The following SHC4 variants were observed in gnomAD, a reference collection of about 807,000 sequenced individuals.
The protein encoded by SHC4 is SHC adaptor protein 4.
A neutral mutation model predicts 69.4 loss-of-function variants in SHC4; 41 were observed. The ratio of observed to expected loss-of-function variants is 0.59; its 90% CI spans 0.46 to 0.77. The LOEUF (loss-of-function observed/expected upper bound fraction) is 0.77. Among genes scored for constraint, SHC4 ranks in the 30% least tolerant of loss-of-function variants. SHC4 has a pLI of 0.00. For missense variants in SHC4, 777 were observed against 783.8 expected (o/e 0.99, Z 0.10); for synonymous variants, 318 against 299.3 (o/e 1.06, Z -0.64).
intron 7 of SHC4, 59 bp downstream of exon 7, chr15:48,857,633 T>C (rs1347308353): frequency 5.0e-6 from 7 of 1,397,274 alleles, no homozygotes. Flanking sequence ...AATAAATACA[T>C]ACAGATAAAT....
chr15:48,934,027 G>A (rs117349030), intron 1 of SHC4, among the ~76,000 whole-genome samples: 5 of 152,012 alleles, frequency 3.3e-5, no homozygotes, highest in Admixed American at 2.6e-4. Context: ...AATAGGCAAT[G>A]GTTTCTTAGA....
intron 6 of SHC4, among the ~76,000 whole-genome samples, chr15:48,861,000 C>T (rs748668272): frequency 1.3e-5 from 2 of 152,210 alleles, no homozygotes; most frequent in Admixed American, 6.5e-5. Context: ...ACGCTTCTGG[C>T]GTACCTCTAG....
rs1380879932 is a variant in SHC4 at position 48,963,763 on chromosome 15, C to T, written c.-748G>A. Among the ~76,000 whole-genome samples, 1 of 152,174 alleles carries T rather than the reference C, an allele frequency of 6.6e-6. No individual in the cohort carries two copies. Among genetic ancestry groups the T allele is most frequent in the East Asian group, 1.9e-4 (1 of 5,192 alleles). On this transcript the variant is annotated 5_prime_UTR_variant, in exon 1 of 12. Transcript: ENST00000332408. ...GCCTGCCTACCCTCGCTCAGAGCTT[C>T]CCTCCCTCCTGGATTCCTCTCGGAG...
At chr15:48,867,294 G>A (rs1242048186) in intron 6 of SHC4, among the ~76,000 whole-genome samples, 1 of 152,194 alleles carries the variant, frequency 6.6e-6, no homozygotes, top group Non-Finnish European at 1.5e-5. Flanking sequence ...AACAAGGTAG[G>A]AAATGCTACT....
intron 4 of SHC4, chr15:48,877,663 C>A: frequency 1.5e-6 from 1 of 683,920 alleles, no homozygotes. Context: ...TACAATATAT[C>A]TGTTGTTTGT....
chr15:48,834,413 T>C (rs945655250), intron 11 of SHC4, among the ~76,000 whole-genome samples: 5 of 152,240 alleles, frequency 3.3e-5, no homozygotes, highest in African/African-American at 1.2e-4. Context: ...ATTATAATTA[T>C]TTAAGCACTT....
chr15:48,945,425 A>G (rs1901258165), intron 1 of SHC4, among the ~76,000 whole-genome samples: 1 of 152,246 alleles, frequency 6.6e-6, no homozygotes, highest in Non-Finnish European at 1.5e-5. Flanking sequence ...ATGAATGTTC[A>G]TTATAGCACT....
intron 1 of SHC4, among the ~76,000 whole-genome samples, chr15:48,952,523 C>A (rs549101891): frequency 2.6e-4 from 40 of 152,178 alleles, no homozygotes; most frequent in Non-Finnish European, 4.6e-4. Flanking sequence ...AAAAGTTTTG[C>A]AAACTATGCA....
At chr15:48,836,744 C>T (rs1330805953) in intron 10 of SHC4, among the ~76,000 whole-genome samples, 1 of 152,144 alleles carries the variant, frequency 6.6e-6, no homozygotes. Context: ...AACCAGTGTG[C>T]TGTAGTCGTA....
At chr15:48,880,985 A>AGAGTGTGTGTGTGTGTGT (rs368901839) in intron 4 of SHC4, among the ~76,000 whole-genome samples, 1 of 145,974 alleles carries the variant, frequency 6.9e-6, no homozygotes, top group Non-Finnish European at 1.5e-5. Context: ...TGTGTGTGAG[A>AGAGTGTGTGTGTGTGTGT]GTGTGTGTGT....
intron 4 of SHC4, among the ~76,000 whole-genome samples, chr15:48,872,414 CCAAT>C (rs1398349082): frequency 6.6e-6 from 1 of 152,138 alleles, no homozygotes; most frequent in Admixed American, 6.5e-5. Flanking sequence ...TACAGCAGAG[CCAAT>C]CAATGTATTT....
chr15:48,962,966 C>T lies in SHC4; in HGVS notation c.50G>A (p.Gly17Glu). Residue 17 changes from glycine (G) to glutamate (E), a missense_variant, in exon 1 of 12, where the codon GGA becomes GAA. By Grantham distance (98) the Gly-to-Glu change is moderately conservative. Coordinates refer to ENST00000332408, the MANE Select transcript of SHC4 (RefSeq NM_203349.4). ...DSLAGLVLYV[G>E]LFGHPGMLHR... ...CAGCATCCCGGGGTGCCCGAAGAGTCCTACATACAGCACGAGTCCTGCCAG... is the reference window on the plus strand; with the variant it reads ...CAGCATCCCGGGGTGCCCGAAGAGTTCTACATACAGCACGAGTCCTGCCAG... 6.2e-7 allele frequency: 1 copy of T among 1,612,904 alleles called. No homozygotes were observed. The highest frequency in any genetic ancestry group is 1.7e-5 in the Admixed American group (1 of 60,012).
At chr15:48,897,205 G>C (rs988753295) in intron 2 of SHC4, among the ~76,000 whole-genome samples, 4 of 152,162 alleles carry the variant, frequency 2.6e-5, no homozygotes, top group Admixed American at 1.3e-4. Flanking sequence ...GAAAGAAAGA[G>C]AAACGCCCCA....
At chr15:48,854,512 G>A (rs1167492295) in intron 8 of SHC4, among the ~76,000 whole-genome samples, 1 of 152,158 alleles carries the variant, frequency 6.6e-6, no homozygotes, top group East Asian at 1.9e-4. Flanking sequence ...AAAGACACAT[G>A]CATTTCTATG....
At chr15:48,867,685 G>T in intron 6 of SHC4, 133 bp downstream of exon 6, 1 of 651,370 alleles carries the variant, frequency 1.5e-6, no homozygotes, top group South Asian at 2.6e-5. Context: ...ACTCAAATTT[G>T]CATAATATTT....
At chr15:48,927,002 T>C (rs546171641) in intron 1 of SHC4, among the ~76,000 whole-genome samples, 4 of 152,250 alleles carry the variant, frequency 2.6e-5, no homozygotes, top group South Asian at 2.1e-4. Context: ...TTTTACTCTG[T>C]CCCCATCACA....
intron 1 of SHC4, among the ~76,000 whole-genome samples, chr15:48,950,813 G>C (rs529185290): frequency 1.3e-5 from 2 of 152,284 alleles, no homozygotes; most frequent in African/African-American, 4.8e-5. Flanking sequence ...TGGTGTGCTT[G>C]GGTCGCGATG....
chr15:48,850,976 G>A (rs975403837), intron 9 of SHC4, among the ~76,000 whole-genome samples: 2 of 152,160 alleles, frequency 1.3e-5, no homozygotes, highest in African/African-American at 4.8e-5. Flanking sequence ...CATCATGGCA[G>A]ATCACACAAG....
intron 11 of SHC4, 148 bp from the exon 12 acceptor site, chr15:48,826,274 C>G: frequency 1.4e-6 from 1 of 718,372 alleles, no homozygotes; most frequent in Non-Finnish European, 2.1e-6. Context: ...TTTTTTGAGA[C>G]AGAGTGTCAC....
Sources: gnomAD v4.1 joint callset for allele counts (sites outside exome capture counted in the v4.1 genomes callset) on GRCh38, gnomAD v4.1.1 for gene constraint, MANE v1.5 for transcripts, NCBI Gene and HGNC (gene_info 2026-07-23, HGNC 2026-07-21) for gene names.